OPN5: variants seen among roughly 807,000 people sequenced by gnomAD.
OPN5 encodes opsin-5.
In OPN5, 18 loss-of-function variants were observed where a neutral mutation model predicts 41.7. The observed-to-expected ratio is 0.43, with a 90% CI of 0.30 to 0.64. The LOEUF (loss-of-function observed/expected upper bound fraction) is 0.64, where lower values mean the gene tolerates loss of function less well. Ranked by LOEUF, OPN5 falls within the 30% of genes least tolerant of loss-of-function variation. OPN5 has a pLI of 0.13. For synonymous variants in OPN5, 178 were observed against 164.3 expected (o/e 1.08, Z -0.64); for missense variants, 318 against 434.5 (o/e 0.73, Z 2.38).
chr6:47,786,422 A>G (rs1773193283), intron 1 of OPN5, 93 bp from the exon 2 acceptor site: 4 of 985,734 alleles, frequency 4.1e-6, no homozygotes, highest in Admixed American at 2.1e-5. Context: ...CTCTAAATCT[A>G]TGGTGTCCAT....
At chr6:47,806,703 A>G (rs531521652) in intron 4 of OPN5, among the ~76,000 whole-genome samples, 28 of 152,306 alleles carry the variant, frequency 1.8e-4, no homozygotes, top group African/African-American at 5.5e-4. Context: ...CAAAACCCTG[A>G]ATCTTTCTTT....
chr6:47,818,163 A>C (rs1762486805), intron 6 of OPN5, among the ~76,000 whole-genome samples: 1 of 152,174 alleles, frequency 6.6e-6, no homozygotes, highest in African/African-American at 2.4e-5. Flanking sequence ...ATATATACAC[A>C]TCCAAATGAA....
rs138255243 is a variant in OPN5 at position 47,787,913 on chromosome 6, C to T, written c.250+1279C>T. On this transcript the variant is annotated intron_variant, in intron 2 of 6. Transcript: ENST00000371211. The stretch of plus-strand genomic sequence containing the variant: ...CCTTAATTAAAAAAAAAGAGTTTTC[C>T]GATATTTGTTTCTCTCTTCGCAAGT... Among the ~76,000 whole-genome samples the T allele has an allele frequency of 1.7e-3, 264 of 152,114 alleles. 3 individuals are homozygous for T. The highest frequency in any genetic ancestry group is 6.1e-3 in the African/African-American group (253 of 41,490).
chr6:47,808,019 T>C, intron 4 of OPN5, 135 bp from the exon 5 acceptor site: 1 of 833,642 alleles, frequency 1.2e-6, no homozygotes, highest in South Asian at 1.6e-5. Context: ...GATTCCTATG[T>C]ACAAAGTAAA....
At chr6:47,800,368 TA>T (rs1239298053) in intron 4 of OPN5, among the ~76,000 whole-genome samples, 2 of 152,040 alleles carry the variant, frequency 1.3e-5, no homozygotes, top group Admixed American at 6.6e-5. Flanking sequence ...AATGAAATCA[TA>T]GGGGGTGGAA....
chr6:47,822,068 C>T (rs1041425236), intron 6 of OPN5, among the ~76,000 whole-genome samples: 12 of 149,060 alleles, frequency 8.1e-5, no homozygotes, highest in African/African-American at 1.7e-4. Context: ...GCTGAGATGG[C>T]GCCGCTGCCC....
intron 4 of OPN5, among the ~76,000 whole-genome samples, chr6:47,799,801 C>G (rs1773703017): frequency 6.6e-6 from 1 of 152,260 alleles, no homozygotes; most frequent in South Asian, 2.1e-4. Flanking sequence ...TCTGATGTCC[C>G]CACTTGCCTT....
chr6:47,819,353 A>ATATATATAT (rs1491208722), intron 6 of OPN5, among the ~76,000 whole-genome samples: 2 of 84,856 alleles, frequency 2.4e-5, no homozygotes, highest in Non-Finnish European at 2.4e-5. Context: ...ATATATATAT[A>ATATATATAT]AAAAATATAT....
chr6:47,791,417 C>A (rs1301424621), intron 2 of OPN5, among the ~76,000 whole-genome samples: 1 of 152,140 alleles, frequency 6.6e-6, no homozygotes, highest in African/African-American at 2.4e-5. Context: ...TTCTCTAAGC[C>A]TTCGAATGAA....
At chr6:47,812,491 G>A (rs1420257320) in intron 6 of OPN5, among the ~76,000 whole-genome samples, 1 of 152,010 alleles carries the variant, frequency 6.6e-6, no homozygotes, top group East Asian at 1.9e-4. Context: ...TATTTCTTTT[G>A]TTCATCCTTT....
chr6:47,784,949 C>CAT (rs773519618), intron 1 of OPN5, among the ~76,000 whole-genome samples: 13 of 152,112 alleles, frequency 8.5e-5, no homozygotes, highest in East Asian at 7.7e-4. Flanking sequence ...TCATCTATAA[C>CAT]ATATATATAT....
exon 7 of OPN5, chr6:47,824,252 G>A (rs928934965): frequency 3.8e-6 from 2 of 533,172 alleles, no homozygotes; most frequent in Non-Finnish European, 6.7e-6. Flanking sequence ...TAAACATCCT[G>A]CAGTGCACAC....
At position 47,818,153 on chromosome 6, in the gene OPN5, A is replaced by G. The variant is rs148923630; in HGVS notation, c.1057-5830A>G. Among the ~76,000 whole-genome samples, 33 of 152,296 alleles carry G rather than the reference A, an allele frequency of 2.2e-4. No homozygotes were observed. In the East Asian group the frequency reaches 6.4e-3, roughly 29 times the overall value. ...CACTTCCAATAGCCGCCCGATCCAC[A>G]TATATACACATCCAAATGAATAAAA... On this transcript the variant is annotated intron_variant, in intron 6 of 6. Transcript: ENST00000371211.
Position 47,819,352 on chromosome 6 carries a change from T to A in OPN5, c.1057-4631T>A, listed in dbSNP as rs1347015441. On this transcript the variant is annotated intron_variant, in intron 6 of 6. Transcript: ENST00000371211. ...AAAATTAGGAATATATATATATATA[T>A]AAAAAATATATTACCGTATAAGTAG... 8.4e-5 allele frequency among the ~76,000 whole-genome samples: 8 copies of A among 95,142 alleles called. 1 individual carries two copies. Among genetic ancestry groups the A allele is most frequent in the African/African-American group, 2.9e-4 (8 of 27,338 alleles). The allele number at this position is 95,142 out of a possible 152,430, so 62.4% of individuals were successfully genotyped here.
intron 4 of OPN5, among the ~76,000 whole-genome samples, chr6:47,797,553 T>C (rs530859321): frequency 2.5e-4 from 38 of 152,336 alleles, no homozygotes; most frequent in Admixed American, 1.6e-3. Flanking sequence ...TGGGCAAATG[T>C]ACCAATGATG....
At chr6:47,822,209 C>CATATG (rs2114016980) in intron 6 of OPN5, among the ~76,000 whole-genome samples, 1 of 151,812 alleles carries the variant, frequency 6.6e-6, no homozygotes, top group African/African-American at 2.4e-5. Flanking sequence ...AGAAGAAATC[C>CATATG]AGGGAAAATA....
intron 4 of OPN5, among the ~76,000 whole-genome samples, chr6:47,796,954 CAT>C (rs1359726021): frequency 6.6e-6 from 1 of 152,212 alleles, no homozygotes; most frequent in Non-Finnish European, 1.5e-5. Context: ...AGAGCAAAGT[CAT>C]GTCTTATATG....
At chr6:47,817,831 G>A (rs1003162039) in intron 6 of OPN5, among the ~76,000 whole-genome samples, 4 of 152,070 alleles carry the variant, frequency 2.6e-5, no homozygotes, top group Non-Finnish European at 5.9e-5. Context: ...ATCTGTGAGC[G>A]GGACACTCTC....
In OPN5 at chr6:47,808,402, C is replaced by T. The variant is rs1184069548; in HGVS notation, c.998+7C>T. On this transcript the variant is annotated splice_region_variant and intron_variant, in intron 5 of 6. Transcript: ENST00000371211. Reference sequence around the variant, plus strand: ...AGTCTCTGGAAGGCTTCAGGTAAAACTTCAGAAGCTGGAAATGAATTACAC... The same window carrying T: ...AGTCTCTGGAAGGCTTCAGGTAAAATTTCAGAAGCTGGAAATGAATTACAC... The T allele has an allele frequency of 3.1e-6, 5 of 1,613,684 alleles. No individual in the cohort carries two copies. Among genetic ancestry groups the T allele is most frequent in the Non-Finnish European group, 4.2e-6 (5 of 1,179,890 alleles).
Sources: gnomAD v4.1 joint callset for allele counts (sites outside exome capture counted in the v4.1 genomes callset) on GRCh38, gnomAD v4.1.1 for gene constraint, MANE v1.5 for transcripts, NCBI Gene and HGNC (gene_info 2026-07-23, HGNC 2026-07-21) for gene names.